RBFOX1: variants seen among roughly 807,000 people sequenced by gnomAD.
The protein encoded by RBFOX1 is RNA binding protein fox-1 homolog 1.
Under a neutral mutation model 57.7 loss-of-function variants are expected in RBFOX1, and 8 were observed. The ratio of observed to expected loss-of-function variants is 0.14; its 90% CI spans 0.08 to 0.25. RBFOX1 has a LOEUF of 0.25. RBFOX1 is among the 10% of genes least tolerant of loss of function. RBFOX1 has a pLI of 1.00. For missense variants in RBFOX1, 611 were observed against 548.5 expected (o/e 1.11, Z -1.14); for synonymous variants, 326 against 222.4 (o/e 1.47, Z -4.15).
At chr16:6,596,193 A>C (rs563300636) in intron 2 of RBFOX1, among the ~76,000 whole-genome samples, 2 of 151,642 alleles carry the variant, frequency 1.3e-5, no homozygotes, top group South Asian at 4.3e-4. Flanking sequence ...TTTCACCCCA[A>C]GGTCACAGAG....
intron 4 of RBFOX1, among the ~76,000 whole-genome samples, chr16:7,264,500 T>C (rs2095053449): frequency 6.6e-6 from 1 of 152,212 alleles, no homozygotes; most frequent in Non-Finnish European, 1.5e-5. Context: ...AAAAGCTAAG[T>C]ATGTTAGTCT....
At chr16:7,476,100 G>T (rs1045484996) in intron 4 of RBFOX1, among the ~76,000 whole-genome samples, 7 of 152,002 alleles carry the variant, frequency 4.6e-5, no homozygotes, top group African/African-American at 1.5e-4. Flanking sequence ...TGAGTAGCTG[G>T]GACCACTAGC....
At chr16:7,283,326 T>C (rs936306644) in intron 4 of RBFOX1, among the ~76,000 whole-genome samples, 3 of 151,946 alleles carry the variant, frequency 2.0e-5, no homozygotes, top group Non-Finnish European at 2.9e-5. Flanking sequence ...CTGCAGTCTC[T>C]ATACTCCAAT....
At position 6,047,263 on chromosome 16, in the gene RBFOX1, A is replaced by C. The variant is rs117827015; in HGVS notation, c.-127+27271A>C. Among the ~76,000 whole-genome samples the C allele has an allele frequency of 4.0e-3, 607 of 151,612 alleles. 19 individuals are homozygous for C. In the East Asian group the frequency reaches 0.065, roughly 16 times the overall value. On this transcript the variant is annotated intron_variant, in intron 1 of 15. Coordinates refer to ENST00000550418, the MANE Select transcript of RBFOX1 (RefSeq NM_018723.4). The stretch of plus-strand genomic sequence containing the variant: ...TCCTGCCAGCCCATGAGGTTAGCCA[A>C]CCCCACACAAATACTCAGAATTAGG...
At chr16:5,388,568 G>GTGTA (rs1269566589) in intron 1 of RBFOX1, among the ~76,000 whole-genome samples, 7 of 151,936 alleles carry the variant, frequency 4.6e-5, no homozygotes, top group South Asian at 4.2e-4. Context: ...TTCTGTGTGT[G>GTGTA]TGTATGTATG....
At chr16:5,412,927 C>T (rs1251724022) in intron 1 of RBFOX1, among the ~76,000 whole-genome samples, 2 of 152,198 alleles carry the variant, frequency 1.3e-5, no homozygotes, top group African/African-American at 2.4e-5. Flanking sequence ...GACATGGCTG[C>T]ATGAGCGTTA....
intron 3 of RBFOX1, among the ~76,000 whole-genome samples, chr16:6,706,866 C>G (rs183986522): frequency 1.3e-5 from 2 of 152,170 alleles, no homozygotes; most frequent in East Asian, 3.9e-4. Flanking sequence ...AGGTATCTAT[C>G]TCCTCTATGT....
chr16:7,590,055 C>T (rs1044844630), intron 7 of RBFOX1, among the ~76,000 whole-genome samples: 1 of 151,778 alleles, frequency 6.6e-6, no homozygotes, highest in African/African-American at 2.4e-5. Flanking sequence ...TGTATGAAGC[C>T]AGGAGTTCAA....
At chr16:6,439,856 A>C (rs2094330567) in intron 2 of RBFOX1, among the ~76,000 whole-genome samples, 2 of 152,280 alleles carry the variant, frequency 1.3e-5, no homozygotes, top group South Asian at 4.1e-4. Context: ...CTCAGATGGG[A>C]TGCAGAAAGC....
chr16:6,575,970 G>A (rs934118261), intron 2 of RBFOX1, among the ~76,000 whole-genome samples: 2 of 151,938 alleles, frequency 1.3e-5, no homozygotes, highest in East Asian at 1.9e-4. Context: ...GGCATGGTGC[G>A]TTACATCAAA....
chr16:6,487,625 TA>T (rs1598020556), intron 2 of RBFOX1, among the ~76,000 whole-genome samples: 1 of 141,946 alleles, frequency 7.0e-6, no homozygotes, highest in East Asian at 2.1e-4. Context: ...AAGATACAAT[TA>T]TAGTAGAACT....
At chr16:7,383,049 C>G (rs1013072212) in intron 4 of RBFOX1, among the ~76,000 whole-genome samples, 1 of 151,946 alleles carries the variant, frequency 6.6e-6, no homozygotes, top group African/African-American at 2.4e-5. Context: ...AGAGAATTTT[C>G]TTTGGTATCT....
chr16:6,645,942 C>G (rs1398782533), intron 2 of RBFOX1, among the ~76,000 whole-genome samples: 1 of 152,140 alleles, frequency 6.6e-6, no homozygotes, highest in Non-Finnish European at 1.5e-5. Context: ...TAAACCCTAG[C>G]AGTGTGATTC....
intron 1 of RBFOX1, among the ~76,000 whole-genome samples, chr16:5,418,765 C>A (rs1397065481): frequency 2.0e-5 from 3 of 152,186 alleles, no homozygotes; most frequent in African/African-American, 7.2e-5. Context: ...TCTCTCCTTT[C>A]CTTCCTTCTG....
rs111504331 is a variant in RBFOX1 at position 6,843,441 on chromosome 16, T to C, written c.-16+188791T>C. On this transcript the variant is annotated intron_variant, in intron 3 of 15. Transcript: ENST00000550418. ...TGGTGGCTTACACCTGTAATCCCAGTACTTTGGGAGGCTGAGGCGGGCAGA... is the reference window on the plus strand; with the variant it reads ...TGGTGGCTTACACCTGTAATCCCAGCACTTTGGGAGGCTGAGGCGGGCAGA... 5.7e-3 allele frequency among the ~76,000 whole-genome samples: 861 copies of C among 152,144 alleles called. 10 individuals are homozygous for C. Among genetic ancestry groups the C allele is most frequent in the Middle Eastern group, 0.01 (3 of 294 alleles).
chr16:7,112,365 G>T (rs1033238102), intron 4 of RBFOX1, among the ~76,000 whole-genome samples: 1 of 130,994 alleles, frequency 7.6e-6, no homozygotes, highest in Non-Finnish European at 1.6e-5. Flanking sequence ...ACCACACCTG[G>T]CTAATTTTTT....
intron 4 of RBFOX1, among the ~76,000 whole-genome samples, chr16:7,221,371 A>T (rs200494942): frequency 2.0e-3 from 200 of 100,926 alleles, no homozygotes; most frequent in African/African-American, 7.1e-3. Context: ...TTATTTTTTT[A>T]TTTATTTATT....
intron 3 of RBFOX1, among the ~76,000 whole-genome samples, chr16:6,795,000 C>T (rs775371467): frequency 6.6e-6 from 1 of 152,124 alleles, no homozygotes; most frequent in East Asian, 1.9e-4. Flanking sequence ...AAATTCACAT[C>T]TCCTGACAGT....
intron 4 of RBFOX1, among the ~76,000 whole-genome samples, chr16:7,461,674 G>A (rs184204959): frequency 1.3e-5 from 2 of 152,144 alleles, no homozygotes; most frequent in Admixed American, 6.5e-5. Context: ...CCATTCACTG[G>A]GTTGAGCAAA....
Sources: gnomAD v4.1 joint callset for allele counts (sites outside exome capture counted in the v4.1 genomes callset) on GRCh38, gnomAD v4.1.1 for gene constraint, MANE v1.5 for transcripts, NCBI Gene and HGNC (gene_info 2026-07-23, HGNC 2026-07-21) for gene names.